SGCZ: variants seen among roughly 807,000 people sequenced by gnomAD.
SGCZ encodes zeta-sarcoglycan.
Under a neutral mutation model 41.3 loss-of-function variants are expected in SGCZ, and 40 were observed. The ratio of observed to expected loss-of-function variants is 0.97; its 90% CI spans 0.75 to 1.26. The LOEUF is 1.26. Ranked by LOEUF, SGCZ falls within the 50% of genes most tolerant of loss-of-function variation. The probability of loss-of-function intolerance (pLI) is 0.00; values close to 1 mark genes in which losing one functional copy is unlikely to be tolerated. For synonymous variants in SGCZ, 206 were observed against 137.5 expected, an observed-to-expected ratio of 1.50 and a Z score of -3.49; for missense variants, 552 against 369.8, an observed-to-expected ratio of 1.49 and a Z score of -4.04.
chr8:15,200,289 A>C (rs1800851195), intron 1 of SGCZ, among the ~76,000 whole-genome samples: 1 of 152,186 alleles, frequency 6.6e-6, no homozygotes. Context: ...TGATACTTGG[A>C]TCTAAACATT....
intron 4 of SGCZ, among the ~76,000 whole-genome samples, chr8:14,197,342 G>C (rs957745152): frequency 6.6e-6 from 1 of 151,796 alleles, no homozygotes; most frequent in Non-Finnish European, 1.5e-5. Context: ...ACAACAAGAA[G>C]GTAGAACAAT....
At chr8:14,407,367 T>C (rs116733202) in intron 2 of SGCZ, among the ~76,000 whole-genome samples, 3,092 of 152,212 alleles carry the variant, frequency 0.02, 99 homozygotes, top group African/African-American at 0.068. Flanking sequence ...ATATTGTGTA[T>C]CATATTATAC....
At chr8:14,869,669 T>A (rs959302530) in intron 1 of SGCZ, among the ~76,000 whole-genome samples, 1 of 152,200 alleles carries the variant, frequency 6.6e-6, no homozygotes, top group African/African-American at 2.4e-5. Flanking sequence ...GCAGATGACA[T>A]AAATGTATAT....
intron 2 of SGCZ, among the ~76,000 whole-genome samples, chr8:14,347,897 G>C (rs1802946765): frequency 6.6e-6 from 1 of 151,998 alleles, no homozygotes; most frequent in Admixed American, 6.6e-5. Flanking sequence ...GCTTTAAAAT[G>C]GATTTTAAAA....
intron 2 of SGCZ, among the ~76,000 whole-genome samples, chr8:14,454,565 C>A (rs73519315): frequency 6.6e-6 from 1 of 151,814 alleles, no homozygotes; most frequent in East Asian, 1.9e-4. Flanking sequence ...AAAGTTCATA[C>A]GTAAAAACAG....
rs1377961628 is a variant in SGCZ at position 14,085,927 on chromosome 8, T to C, written c.*4516A>G. ...ACAATAGAAATCCCATTCTTTGGTC[T>C]TTGACATTTAAACAACTAATAAATT... On this transcript the variant is annotated 3_prime_UTR_variant, in exon 8 of 8. Coordinates refer to ENST00000382080, the MANE Select transcript of SGCZ (RefSeq NM_139167.4). Among the ~76,000 whole-genome samples, 2 of 151,772 alleles carry C rather than the reference T, an allele frequency of 1.3e-5. No individual in the cohort carries two copies. The highest frequency in any genetic ancestry group is 2.9e-5 in the Non-Finnish European group (2 of 67,798).
intron 1 of SGCZ, among the ~76,000 whole-genome samples, chr8:14,610,440 A>T (rs1232506325): frequency 2.0e-5 from 3 of 152,152 alleles, no homozygotes; most frequent in Non-Finnish European, 2.9e-5. Context: ...ACATTTCCTC[A>T]ATTGCCTCCT....
chr8:15,085,733 CTTGCCCACA>C (rs1328564347), intron 1 of SGCZ, among the ~76,000 whole-genome samples: 1 of 152,062 alleles, frequency 6.6e-6, no homozygotes, highest in Non-Finnish European at 1.5e-5. Context: ...TTTTTCCTCT[CTTGCCCACA>C]CATCTACGCT....
intron 1 of SGCZ, among the ~76,000 whole-genome samples, chr8:14,568,478 T>C (rs1372484011): frequency 1.3e-5 from 2 of 151,274 alleles, no homozygotes; most frequent in Non-Finnish European, 2.9e-5. Context: ...AGATGCTTAG[T>C]TGTTCTTGAC....
intron 1 of SGCZ, among the ~76,000 whole-genome samples, chr8:14,873,044 T>C (rs191369986): frequency 2.1e-4 from 32 of 152,272 alleles, no homozygotes; most frequent in Admixed American, 8.5e-4. Flanking sequence ...ATCCAAGATG[T>C]AAGTTAGAAG....
intron 5 of SGCZ, among the ~76,000 whole-genome samples, chr8:14,159,756 T>C (rs950102810): frequency 1.3e-5 from 2 of 152,154 alleles, no homozygotes; most frequent in African/African-American, 4.8e-5. Context: ...ATTTGGACAG[T>C]GAAGAGGAAC....
At chr8:14,434,174 T>A (rs1268973043) in intron 2 of SGCZ, among the ~76,000 whole-genome samples, 3 of 152,200 alleles carry the variant, frequency 2.0e-5, no homozygotes, top group African/African-American at 7.2e-5. Context: ...CCAGTTTCAT[T>A]CTCCTACATG....
At chr8:14,217,439 C>G (rs77073027) in intron 4 of SGCZ, among the ~76,000 whole-genome samples, 3,222 of 151,646 alleles carry the variant, frequency 0.021, 35 homozygotes, top group Non-Finnish European at 0.032. Flanking sequence ...GGTATAGTTA[C>G]ATAAGAGATG....
chr8:14,484,403 T>A (rs1318422343), intron 2 of SGCZ, among the ~76,000 whole-genome samples: 1 of 152,150 alleles, frequency 6.6e-6, no homozygotes, highest in African/African-American at 2.4e-5. Context: ...AACTTTTAAA[T>A]ATAGAATTAT....
At chr8:15,221,523 G>C (rs946448041) in intron 1 of SGCZ, among the ~76,000 whole-genome samples, 2 of 152,048 alleles carry the variant, frequency 1.3e-5, no homozygotes, top group African/African-American at 4.8e-5. Flanking sequence ...TATAAACCAG[G>C]TCTATCCTAT....
intron 1 of SGCZ, among the ~76,000 whole-genome samples, chr8:14,588,677 A>G (rs1416481830): frequency 1.3e-5 from 2 of 152,188 alleles, no homozygotes; most frequent in African/African-American, 4.8e-5. Context: ...GAGGAGGAAC[A>G]GAATGGAAGA....
chr8:14,091,695 G>C (rs1360948654), intron 7 of SGCZ, among the ~76,000 whole-genome samples: 1 of 150,714 alleles, frequency 6.6e-6, no homozygotes, highest in African/African-American at 2.5e-5. Flanking sequence ...CTGTAAATTT[G>C]TTTGTTTAAG....
chr8:14,213,980 G>GCGTGTTCAACATGTTCATAA, intron 4 of SGCZ, among the ~76,000 whole-genome samples: 1 of 152,168 alleles, frequency 6.6e-6, no homozygotes, highest in East Asian at 1.9e-4. Flanking sequence ...CATGTTCATA[G>GCGTGTTCAACATGTTCATAA]CAAGTTCAAC....
At chr8:15,163,081 G>C (rs1411166591) in intron 1 of SGCZ, among the ~76,000 whole-genome samples, 4 of 152,186 alleles carry the variant, frequency 2.6e-5, no homozygotes, top group African/African-American at 9.7e-5. Context: ...GATCACCAAA[G>C]AACTGGACGC....
Sources: allele counts gnomAD v4.1 joint callset (sites outside exome capture counted in the v4.1 genomes callset), GRCh38; gene constraint gnomAD v4.1.1; transcripts MANE v1.5; gene names NCBI Gene and HGNC (gene_info 2026-07-23, HGNC 2026-07-21).